The following COL7A1 variants were observed in gnomAD, a reference collection of about 807,000 sequenced individuals.
COL7A1 encodes the protein collagen type VII alpha 1 chain.
Under a neutral mutation model 456.2 loss-of-function variants are expected in COL7A1, and 296 were observed. That is an observed-to-expected ratio of 0.65 (90% CI 0.59 to 0.71). The LOEUF (loss-of-function observed/expected upper bound fraction) is 0.71. Ranked by LOEUF, COL7A1 falls within the 30% of genes least tolerant of loss-of-function variation. The pLI, the probability that COL7A1 is intolerant of heterozygous loss-of-function variation, is 0.00. For synonymous variants in COL7A1, 1,464 were observed against 1,525.9 expected (o/e 0.96, Z 0.95); for missense variants, 3,441 against 4,017.2 (o/e 0.86, Z 3.88).
chr3:48,581,299 C>A lies in COL7A1; in HGVS notation c.4860G>T (p.Arg1620=), dbSNP rs1308977458. 6.2e-7 allele frequency: 1 copy of A among 1,613,508 alleles called. No individual in the cohort carries two copies. Among genetic ancestry groups the A allele is most frequent in the Non-Finnish European group, 8.5e-7 (1 of 1,179,894 alleles). Residue 1620 remains arginine (R), a synonymous_variant, in exon 52 of 119, where the codon CGG becomes CGT. Transcript: ENST00000681320. The surrounding 1 kb of genome is among the most constrained non-coding windows in gnomAD (Gnocchi z 5.8). ...GGCCAACAGGTCCTGGGGGGCCAGGCCGCCCAGGGTCTCCCTTCTCTCCAG... is the reference window on the plus strand; with the variant it reads ...GGCCAACAGGTCCTGGGGGGCCAGGACGCCCAGGGTCTCCCTTCTCTCCAG... ...GPPGEKGDPG[R]PGPPGPVGPR... is the part of the protein sequence containing the mutation.
rs889634887 is a variant in COL7A1, at chr3:48,587,689, G to A, written c.2857+104C>T. ...CATGCTGGGGTCACCCAGGGTCAGA[G>A]GGTGAGGGGTAGGGGTACAGGAGGA... On this transcript the variant is annotated intron_variant, in intron 22 of 118. Transcript: ENST00000681320. The surrounding 1 kb of genome is among the most constrained non-coding windows in gnomAD (Gnocchi z 6.1). 2.5e-6 allele frequency: 4 copies of A among 1,603,312 alleles called. No individual in the cohort carries two copies. Among genetic ancestry groups the A allele is most frequent in the South Asian group, 2.2e-5 (2 of 90,676 alleles).
rs2043850103 is a variant in COL7A1 at position 48,570,615 on chromosome 3, G to A, written c.7344+24C>T. The stretch of plus-strand genomic sequence containing the variant: ...ACGAGGACAGGAAATCAAATACGTG[G>A]GGCTTTAGGGCACCTCTACTCACCA... On this transcript the variant is annotated intron_variant, in intron 96 of 118. Transcript: ENST00000681320. The surrounding 1 kb of genome is among the most constrained non-coding windows in gnomAD (Gnocchi z 5.5). 1.2e-6 allele frequency: 2 copies of A among 1,609,706 alleles called. No homozygotes were observed. The highest frequency in any genetic ancestry group is 2.2e-5 in the South Asian group (2 of 90,548).
At position 48,582,496 on chromosome 3, in the gene COL7A1, A is replaced by G; in HGVS notation, c.4581T>C (p.Thr1527=). 6.2e-7 allele frequency: 1 copy of G among 1,614,118 alleles called. No homozygotes were observed. The highest frequency in any genetic ancestry group is 8.5e-7 in the Non-Finnish European group (1 of 1,180,024). Residue 1527 remains threonine, a synonymous_variant, in exon 46 of 119, where the codon ACT becomes ACC. Coordinates refer to ENST00000681320, the MANE Select transcript of COL7A1 (RefSeq NM_000094.4). ...GACCCACCTTCTCTCCTTGGCGGCCAGTGGGTCCTGGTGGCCCCTGAATGT... is the reference window on the plus strand; with the variant it reads ...GACCCACCTTCTCTCCTTGGCGGCCGGTGGGTCCTGGTGGCCCCTGAATGT... ...AKGPEGPPGP[T]GRQGEKGEPG...
chr3:48,573,526 G>A lies in COL7A1; in HGVS notation c.6605C>T (p.Pro2202Leu). Reference protein sequence around the residue: ...GLAGPAGPQGPSGLKGEPGET... With the variant: ...GLAGPAGPQGLSGLKGEPGET... ...ACCTAGACTCACCTTCAGGCCAGAA[G>A]GTCCTTGGGGTCCTGCAGGGCCAGC... The change falls in exon 83 of 119, where the codon CCT becomes CTT. Residue 2202 changes from proline (P) to leucine (L), a missense_variant. By Grantham distance (98) the Pro-to-Leu change is moderately conservative. Coordinates refer to ENST00000681320, the MANE Select transcript of COL7A1 (RefSeq NM_000094.4). The surrounding 1 kb of genome is among the most constrained non-coding windows in gnomAD (Gnocchi z 5.5). 1 of 1,614,100 alleles carries A rather than the reference G, an allele frequency of 6.2e-7. No homozygotes were observed. Among genetic ancestry groups the A allele is most frequent in the East Asian group, 2.2e-5 (1 of 44,888 alleles).
chr3:48,570,548 C>G lies in COL7A1; in HGVS notation c.7345-48G>C. 6.2e-7 allele frequency: 1 copy of G among 1,613,866 alleles called. No individual in the cohort carries two copies. Among genetic ancestry groups the G allele is most frequent in the East Asian group, 2.2e-5 (1 of 44,870 alleles). On this transcript the variant is annotated intron_variant, in intron 96 of 118. Coordinates refer to ENST00000681320, the MANE Select transcript of COL7A1 (RefSeq NM_000094.4). This position sits in a 1 kb window ranked among gnomAD's most constrained non-coding sequence, Gnocchi z 5.5. ...GGTCCTGTGGCTCTCAAAGCGCCTC[C>G]CCCAACACCCCACAGTGTGGCCCGC... is the stretch of plus-strand genomic sequence containing the variant.
chr3:48,567,643 A>G lies in COL7A1; in HGVS notation c.7984-7T>C, dbSNP rs1575418842. 1 of 1,506,748 alleles carries G rather than the reference A, an allele frequency of 6.6e-7. No homozygotes were observed. Among genetic ancestry groups the G allele is most frequent in the Non-Finnish European group, 9.0e-7 (1 of 1,117,306 alleles). The allele number at this position is 1,506,748 out of a possible 1,614,324, so 93.3% of individuals were successfully genotyped here. A position where few individuals can be genotyped will look rare whatever the true frequency, so the allele number is the denominator to read the frequency against. On this transcript the variant is annotated splice_region_variant and splice_polypyrimidine_tract_variant and intron_variant, in intron 108 of 118. Coordinates refer to ENST00000681320, the MANE Select transcript of COL7A1 (RefSeq NM_000094.4). The surrounding 1 kb of genome is among the most constrained non-coding windows in gnomAD (Gnocchi z 4.3). ...CCGGCACACCAGGCTCCCCCTGGAG[A>G]AAAAAAGACATGAACTTGGCCCCCG...
chr3:48,583,197 CAG>C lies in COL7A1; in HGVS notation c.4438-28_4438-27del, dbSNP rs759543265. The C allele has an allele frequency of 4.6e-5, 74 of 1,608,474 alleles. No homozygotes were observed. Among genetic ancestry groups the C allele is most frequent in the Admixed American group, 8.4e-5 (5 of 59,838 alleles). On this transcript the variant is annotated intron_variant, in intron 42 of 118. Transcript: ENST00000681320. The surrounding 1 kb of genome is among the most constrained non-coding windows in gnomAD (Gnocchi z 5.1). ...CTGAAGAGAGAGGGTGAGAGAAAGA[CAG>C]AGAGAGAGAGGGTTGGTGGCGGGGC...
Position 48,581,378 on chromosome 3 carries a change from C to G in COL7A1, c.4819-38G>C. The G allele has an allele frequency of 1.2e-6, 2 of 1,613,684 alleles. No individual in the cohort carries two copies. Among genetic ancestry groups the G allele is most frequent in the Non-Finnish European group, 1.7e-6 (2 of 1,179,928 alleles). On this transcript the variant is annotated intron_variant, in intron 51 of 118. Coordinates refer to ENST00000681320, the MANE Select transcript of COL7A1 (RefSeq NM_000094.4). The surrounding 1 kb of genome is among the most constrained non-coding windows in gnomAD (Gnocchi z 5.8). Reference sequence around the variant, plus strand: ...CAAGAGGGAGGTGATGCAGGACGCTCGAAGCAAGCAGTTCTCAAGGGGAGG... The same window carrying G: ...CAAGAGGGAGGTGATGCAGGACGCTGGAAGCAAGCAGTTCTCAAGGGGAGG...
rs984392717 is a variant in COL7A1, at chr3:48,590,603, A to G, written c.1781-19T>C. 2 of 1,613,844 alleles carry G rather than the reference A, an allele frequency of 1.2e-6. No individual in the cohort carries two copies. Among genetic ancestry groups the G allele is most frequent in the Non-Finnish European group, 1.7e-6 (2 of 1,179,924 alleles). ...TCCGGCTCTAGGAGTTACAGACAGA[A>G]GTCAGAAGTCAGAACCAGGACCAGA... On this transcript the variant is annotated intron_variant, in intron 14 of 118. Transcript: ENST00000681320. The surrounding 1 kb of genome is among the most constrained non-coding windows in gnomAD (Gnocchi z 4.6).
rs1167294419 is a variant in COL7A1, at chr3:48,575,689, A to T, written c.5916T>A (p.Pro1972=). 1 of 1,613,714 alleles carries T rather than the reference A, an allele frequency of 6.2e-7. No homozygotes were observed. Among genetic ancestry groups the T allele is most frequent in the South Asian group, 1.1e-5 (1 of 91,090 alleles). Residue 1972 remains proline, a synonymous_variant, in exon 73 of 119, where the codon CCT becomes CCA. Coordinates refer to ENST00000681320, the MANE Select transcript of COL7A1 (RefSeq NM_000094.4). The surrounding 1 kb of genome is among the most constrained non-coding windows in gnomAD (Gnocchi z 6.3). ...TWDESSGSFL[P]VPERRRGPKG... Reference sequence around the variant, plus strand: ...TGGGGCCTCGACGCCGTTCGGGCACAGGCAGGAAGCTACCAGAGCTCTCAT... The same window carrying T: ...TGGGGCCTCGACGCCGTTCGGGCACTGGCAGGAAGCTACCAGAGCTCTCAT...
chr3:48,568,233 C>G lies in COL7A1; in HGVS notation c.7795-63G>C. On this transcript the variant is annotated intron_variant, in intron 105 of 118. Coordinates refer to ENST00000681320, the MANE Select transcript of COL7A1 (RefSeq NM_000094.4). This position sits in a 1 kb window ranked among gnomAD's most constrained non-coding sequence, Gnocchi z 5.2. ...CAGTGAGGGACCAAAGAGAATCGCC[C>G]TGGATAGTGGGTAGGGAACACCATG... 1 of 1,569,274 alleles carries G rather than the reference C, an allele frequency of 6.4e-7. No individual in the cohort carries two copies. The highest frequency in any genetic ancestry group is 1.1e-5 in the South Asian group (1 of 89,980).
chr3:48,571,451 A>C lies in COL7A1; in HGVS notation c.7069-173T>G. ...CTCAGACATGACCATGGCCTATCTCAGGACAGCACAGACAGAGGGACGCTC... is the reference window on the plus strand; with the variant it reads ...CTCAGACATGACCATGGCCTATCTCCGGACAGCACAGACAGAGGGACGCTC... On this transcript the variant is annotated intron_variant, in intron 92 of 118. Transcript: ENST00000681320. The surrounding 1 kb of genome is among the most constrained non-coding windows in gnomAD (Gnocchi z 4.6). 43 of 785,160 alleles carry C rather than the reference A, an allele frequency of 5.5e-5. No individual in the cohort carries two copies. The highest frequency in any genetic ancestry group is 8.0e-5 in the Non-Finnish European group (36 of 448,338). 48.6% of individuals were successfully genotyped at this position (785,160 alleles called of 1,614,324 possible). A position where few individuals can be genotyped will look rare whatever the true frequency, so the allele number is the denominator to read the frequency against.
In COL7A1 at chr3:48,587,242, C is replaced by T. The variant is rs780661798; in HGVS notation, c.3087G>A (p.Thr1029=). ...GACCCCGCACACCATCCAGGACAGG[C>T]GTCAGGGAGAAGATGTAAGAGACGC... is the stretch of plus-strand genomic sequence containing the variant. ...EPGVSYIFSL[T]PVLDGVRGPE... Residue 1029 remains threonine, a synonymous_variant, in exon 24 of 119, where the codon ACG becomes ACA. Coordinates refer to ENST00000681320, the MANE Select transcript of COL7A1 (RefSeq NM_000094.4). This position sits in a 1 kb window ranked among gnomAD's most constrained non-coding sequence, Gnocchi z 6.1. 3.7e-6 allele frequency: 6 copies of T among 1,613,328 alleles called. No homozygotes were observed. The highest frequency in any genetic ancestry group is 2.2e-5 in the East Asian group (1 of 44,866).
At position 48,569,774 on chromosome 3, in the gene COL7A1, G is replaced by C; in HGVS notation, c.7522-14C>G. On this transcript the variant is annotated splice_polypyrimidine_tract_variant and intron_variant, in intron 100 of 118. Transcript: ENST00000681320. This position sits in a 1 kb window ranked among gnomAD's most constrained non-coding sequence, Gnocchi z 4.9. ...CCCAACATCACCCTATTGGGCAAAA[G>C]AGTGTGAGTCCCGCCCAAACTGGGG... is the stretch of plus-strand genomic sequence containing the variant. 6.2e-7 allele frequency: 1 copy of C among 1,614,166 alleles called. No homozygotes were observed. The highest frequency in any genetic ancestry group is 1.1e-5 in the South Asian group (1 of 91,086).
Position 48,572,041 on chromosome 3 carries a change from T to C in COL7A1, c.7028A>G (p.Glu2343Gly), listed in dbSNP as rs1244202150. The change falls in exon 92 of 119, where the codon GAA becomes GGA. Residue 2343 changes from glutamate (E) to glycine (G), a missense_variant. This residue lies in a region of COL7A1 where 2,084 missense variants were observed against 2,501.3 expected (regional missense o/e 0.83). Transcript: ENST00000681320. The surrounding 1 kb of genome is among the most constrained non-coding windows in gnomAD (Gnocchi z 4.6). ...TCCGGGCTCCCCTGCACGGCCAGCTTCACCCTGCACAGAATGGCAGGTGAG... is the reference window on the plus strand; with the variant it reads ...TCCGGGCTCCCCTGCACGGCCAGCTCCACCCTGCACAGAATGGCAGGTGAG... The part of the protein sequence containing the change: ...GLPGPRGEKG[E>G]AGRAGEPGDP... The C allele has an allele frequency of 6.2e-7, 1 of 1,613,264 alleles. No homozygotes were observed. Among genetic ancestry groups the C allele is most frequent in the South Asian group, 1.1e-5 (1 of 90,886 alleles).
Position 48,594,401 on chromosome 3 carries a change from C to G in COL7A1, c.233G>C (p.Arg78Pro). 1 of 1,611,514 alleles carries G rather than the reference C, an allele frequency of 6.2e-7. No homozygotes were observed. Residue 78 changes from arginine (R) to proline (P), a missense_variant, in exon 3 of 119, where the codon CGC (arginine) becomes CCC (proline). Transcript: ENST00000681320. The surrounding 1 kb of genome is among the most constrained non-coding windows in gnomAD (Gnocchi z 5.5). ...ATCGCTGTACTGCACTGTGGCAAAG[C>G]GCACACCCTGTGCACTGGCTGCTCC... ...FSGAASAQGVRFATVQYSDDP... is the reference protein window; with the variant it reads ...FSGAASAQGVPFATVQYSDDP...
In COL7A1 at chr3:48,572,925, C is replaced by A; in HGVS notation, c.6768G>T (p.Pro2256=). Residue 2256 remains proline, a synonymous_variant, in exon 87 of 119, where the codon CCG becomes CCT. Transcript: ENST00000681320. This position sits in a 1 kb window ranked among gnomAD's most constrained non-coding sequence, Gnocchi z 4.6. ...TGGCACCATCTCGACCTGGGGCTCC[C>A]GGCTTCCCTGTCTCCCCCTGAGAGG... ...LPGQVGETGK[P]GAPGRDGASG... is the part of the protein sequence containing the mutation. 1 of 1,613,996 alleles carries A rather than the reference C, an allele frequency of 6.2e-7. No homozygotes were observed. Among genetic ancestry groups the A allele is most frequent in the Non-Finnish European group, 8.5e-7 (1 of 1,180,002 alleles).
In COL7A1 at chr3:48,575,370, C is replaced by A. The variant is rs781574940; in HGVS notation, c.6149G>T (p.Gly2050Val). ...GIPGLPGRAG[G>V]VGEAGRPGER... ...TCCTGGCCTTCCTGCCTCTCCCACA[C>A]CCCCAGCCCTGCCTGGGAGCCCGGG... Residue 2050 changes from glycine (G) to valine (V), a missense_variant, in exon 74 of 119, where the codon GGT becomes GTT. Physicochemically the swap from Gly to Val is moderately radical, Grantham distance 109. Transcript: ENST00000681320. This position sits in a 1 kb window ranked among gnomAD's most constrained non-coding sequence, Gnocchi z 6.3. 6.2e-7 allele frequency: 1 copy of A among 1,612,118 alleles called. No homozygotes were observed. Among genetic ancestry groups the A allele is most frequent in the Non-Finnish European group, 8.5e-7 (1 of 1,179,316 alleles).
Position 48,592,654 on chromosome 3 carries a change from G to A in COL7A1, c.892C>T (p.Arg298Trp), listed in dbSNP as rs780113498. The change falls in exon 8 of 119, where the codon CGG (arginine) becomes TGG (tryptophan). Residue 298 changes from arginine (R) to tryptophan (W), a missense_variant. By Grantham distance (101) the Arg-to-Trp change is moderately radical. Coordinates refer to ENST00000681320, the MANE Select transcript of COL7A1 (RefSeq NM_000094.4). This position sits in a 1 kb window ranked among gnomAD's most constrained non-coding sequence, Gnocchi z 7.6. ...GETSVRLRGLRPLTEYQVTVI... is the reference protein window; with the variant it reads ...GETSVRLRGLWPLTEYQVTVI... ...GTCACTTGGTACTCGGTCAGTGGCC[G>A]GAGACCCCGCAGCCGCACACTGGTC... is the stretch of plus-strand genomic sequence containing the variant. 1.4e-5 allele frequency: 22 copies of A among 1,613,710 alleles called. No individual in the cohort carries two copies. Among genetic ancestry groups the A allele is most frequent in the Admixed American group, 3.3e-5 (2 of 60,000 alleles).
Sources: allele counts gnomAD v4.1 joint callset, GRCh38; gene constraint gnomAD v4.1.1; regional missense constraint gnomAD v4.1.1; non-coding constraint Gnocchi (gnomAD v3.1); transcripts MANE v1.5; gene names NCBI Gene and HGNC (gene_info 2026-07-23, HGNC 2026-07-21).